The following CNBD1 variants were observed in gnomAD, a reference collection of about 807,000 sequenced individuals.
CNBD1 encodes cyclic nucleotide-binding domain-containing protein 1.
In CNBD1, 71 loss-of-function variants were observed where a neutral mutation model predicts 54.4. That is an observed-to-expected ratio of 1.30 (90% CI 1.08 to 1.59). CNBD1 has a LOEUF of 1.59. Ranked by LOEUF, CNBD1 falls within the 40% of genes most tolerant of loss-of-function variation. The pLI, the probability that CNBD1 is intolerant of heterozygous loss-of-function variation, is 0.00. For synonymous variants in CNBD1, 182 were observed against 170.7 expected (o/e 1.07, Z -0.51); for missense variants, 659 against 518.0 (o/e 1.27, Z -2.64).
chr8:87,119,386 T>C (rs1052920419), intron 4 of CNBD1, among the ~76,000 whole-genome samples: 1 of 151,962 alleles, frequency 6.6e-6, no homozygotes, highest in East Asian at 1.9e-4. Flanking sequence ...GTCTAGATAA[T>C]TATTGGTGTG....
intron 6 of CNBD1, among the ~76,000 whole-genome samples, chr8:87,275,201 G>C (rs1273361682): frequency 7.1e-6 from 1 of 141,754 alleles, no homozygotes; most frequent in South Asian, 2.3e-4. Context: ...TTGAAGTCTG[G>C]TAGTGTGATG....
chr8:87,421,627 G>A (rs1324170101), intron 2 of CNBD1, among the ~76,000 whole-genome samples: 2 of 151,950 alleles, frequency 1.3e-5, no homozygotes, highest in Non-Finnish European at 2.9e-5. Context: ...TGGCTGCATA[G>A]TATTCCACGG....
At chr8:87,027,898 C>T (rs1480260201) in intron 4 of CNBD1, among the ~76,000 whole-genome samples, 4 of 152,214 alleles carry the variant, frequency 2.6e-5, no homozygotes, top group Non-Finnish European at 5.9e-5. Context: ...TGTGTCCAAA[C>T]GGAAACAGTC....
At chr8:86,918,077 A>T (rs545010152) in intron 3 of CNBD1, among the ~76,000 whole-genome samples, 3 of 152,320 alleles carry the variant, frequency 2.0e-5, no homozygotes, top group Admixed American at 6.5e-5. Context: ...ACTTATTTAA[A>T]CTATATCCTT....
chr8:87,310,516 A>G lies in CNBD1; in HGVS notation c.1042+23845A>G, dbSNP rs552818237. ...ACAAATGGAGAAACACTCCACCCTCATAGCTTGGAAGAATCAGTATTGTTA... is the reference window on the plus strand; with the variant it reads ...ACAAATGGAGAAACACTCCACCCTCGTAGCTTGGAAGAATCAGTATTGTTA... On this transcript the variant is annotated intron_variant, in intron 8 of 10. Transcript: ENST00000518476. 1.4e-3 allele frequency among the ~76,000 whole-genome samples: 210 copies of G among 152,290 alleles called. 1 individual carries two copies. The highest frequency in any genetic ancestry group is 2.6e-3 in the Non-Finnish European group (180 of 68,032).
intron 4 of CNBD1, among the ~76,000 whole-genome samples, chr8:86,997,843 GA>G (rs1459730607): frequency 6.6e-6 from 1 of 152,076 alleles, no homozygotes; most frequent in Non-Finnish European, 1.5e-5. Context: ...TTTCTTGGTG[GA>G]AAGGTTATGC....
At chr8:87,372,018 T>G (rs980027714) in intron 10 of CNBD1, among the ~76,000 whole-genome samples, 2 of 151,866 alleles carry the variant, frequency 1.3e-5, no homozygotes, top group African/African-American at 4.8e-5. Context: ...AAATAAAGGG[T>G]ATTCAATTAG....
At chr8:87,337,714 G>A (rs910229624) in intron 8 of CNBD1, among the ~76,000 whole-genome samples, 3 of 152,198 alleles carry the variant, frequency 2.0e-5, no homozygotes, top group African/African-American at 7.2e-5. Flanking sequence ...TGGGGGTGGG[G>A]GCTCTCAGGT....
At chr8:87,184,034 G>A (rs1258051298) in intron 4 of CNBD1, among the ~76,000 whole-genome samples, 1 of 152,214 alleles carries the variant, frequency 6.6e-6, no homozygotes, top group Non-Finnish European at 1.5e-5. Context: ...ATGGGTCTGT[G>A]CTCACCACTG....
At chr8:86,994,006 C>A (rs1178588711) in intron 4 of CNBD1, among the ~76,000 whole-genome samples, 2 of 152,138 alleles carry the variant, frequency 1.3e-5, no homozygotes, top group East Asian at 3.9e-4. Flanking sequence ...GGGAGGTAGG[C>A]CACACCTTTT....
chr8:87,209,357 A>C (rs144760005), intron 5 of CNBD1, among the ~76,000 whole-genome samples: 320 of 152,278 alleles, frequency 2.1e-3, no homozygotes, highest in African/African-American at 7.3e-3. Flanking sequence ...ATCAACATAC[A>C]AAAATTAGTA....
At chr8:87,288,405 G>T (rs965365460) in intron 8 of CNBD1, among the ~76,000 whole-genome samples, 3 of 151,576 alleles carry the variant, frequency 2.0e-5, no homozygotes, top group Non-Finnish European at 2.9e-5. Flanking sequence ...TCCAATCTTT[G>T]CCCATCTATC....
chr8:87,422,905 A>G (rs949266792), intron 2 of CNBD1, among the ~76,000 whole-genome samples: 2 of 152,070 alleles, frequency 1.3e-5, no homozygotes, highest in Non-Finnish European at 2.9e-5. Flanking sequence ...CCTACCCATG[A>G]GCATGGAATG....
chr8:87,400,505 G>T (rs574191732), intron 2 of CNBD1, among the ~76,000 whole-genome samples: 2 of 152,028 alleles, frequency 1.3e-5, no homozygotes, highest in Admixed American at 6.6e-5. Flanking sequence ...TCAGCATGTG[G>T]CAGTGTGTTG....
At chr8:87,337,182 G>A (rs1440342898) in intron 8 of CNBD1, among the ~76,000 whole-genome samples, 1 of 152,266 alleles carries the variant, frequency 6.6e-6, no homozygotes, top group Middle Eastern at 3.4e-3. Context: ...CAGCTTGGTG[G>A]GATGGGAAGA....
chr8:87,339,924 C>T (rs1424154885), intron 8 of CNBD1, among the ~76,000 whole-genome samples: 1 of 152,062 alleles, frequency 6.6e-6, no homozygotes, highest in African/African-American at 2.4e-5. Context: ...ATTTATGCAT[C>T]AGTGTTATAG....
intron 10 of CNBD1, among the ~76,000 whole-genome samples, chr8:87,380,083 C>G (rs969804461): frequency 6.6e-6 from 1 of 151,706 alleles, no homozygotes; most frequent in Non-Finnish European, 1.5e-5. Flanking sequence ...ACAAAGGAAC[C>G]AAATATCTGT....
chr8:87,207,966 G>A (rs939503401), intron 5 of CNBD1, among the ~76,000 whole-genome samples: 2 of 152,146 alleles, frequency 1.3e-5, no homozygotes, highest in South Asian at 2.1e-4. Flanking sequence ...TTAAATATAT[G>A]ACCTTTGTAG....
At chr8:86,911,246 G>A (rs113981340) in intron 3 of CNBD1, among the ~76,000 whole-genome samples, 21 of 152,220 alleles carry the variant, frequency 1.4e-4, no homozygotes, top group Admixed American at 3.9e-4. Flanking sequence ...TTACTTTCAG[G>A]CTGCTCTTTG....
Sources: gnomAD v4.1 joint callset for allele counts (sites outside exome capture counted in the v4.1 genomes callset) on GRCh38, gnomAD v4.1.1 for gene constraint, MANE v1.5 for transcripts, NCBI Gene and HGNC (gene_info 2026-07-23, HGNC 2026-07-21) for gene names.